Variants in DMBT1 observed in about 807,000 individuals in gnomAD.
DMBT1 encodes the protein scavenger receptor cysteine-rich domain-containing protein DMBT1.
Under a neutral mutation model 252.9 loss-of-function variants are expected in DMBT1, and 198 were observed. The ratio of observed to expected loss-of-function variants is 0.78; its 90% CI spans 0.70 to 0.88. The LOEUF (loss-of-function observed/expected upper bound fraction) is 0.88, where lower values mean the gene tolerates loss of function less well. Among genes scored for constraint, DMBT1 ranks in the 40% least tolerant of loss-of-function variants. The probability of loss-of-function intolerance (pLI) is 0.00; values close to 1 mark genes in which losing one functional copy is unlikely to be tolerated. For synonymous variants in DMBT1, 990 were observed against 942.7 expected (o/e 1.05, Z -0.92); for missense variants, 2,432 against 2,404.7 (o/e 1.01, Z -0.24).
At chr10:122,625,993 A>G (rs768970448) in intron 46 of DMBT1, 28 bp downstream of exon 46, 189 of 1,587,246 alleles carry the variant, frequency 1.2e-4, no homozygotes, top group Non-Finnish European at 1.6e-4. Context: ...TACCTGAACC[A>G]TAGGTCATAC....
At chr10:122,617,129 A>G (rs1591447025) in intron 39 of DMBT1, 99 bp from the exon 40 acceptor site, 3 of 1,340,662 alleles carry the variant, frequency 2.2e-6, no homozygotes, top group Non-Finnish European at 3.2e-6. Flanking sequence ...CAGGAAGTGG[A>G]ATTGTTGCCA....
At chr10:122,580,623 C>G (rs967524516) in intron 10 of DMBT1, among the ~76,000 whole-genome samples, 3 of 152,088 alleles carry the variant, frequency 2.0e-5, no homozygotes, top group African/African-American at 7.2e-5. Context: ...TGGTTTAGGT[C>G]AACCGGGTTA....
intron 6 of DMBT1, among the ~76,000 whole-genome samples, chr10:122,576,085 G>C (rs1237768099): frequency 1.3e-5 from 2 of 152,202 alleles, no homozygotes; most frequent in Non-Finnish European, 2.9e-5. Flanking sequence ...TGTGTCCCCT[G>C]TCTGAGGGAA....
intron 27 of DMBT1, 29 bp downstream of exon 27, chr10:122,600,122 G>A (rs772302566): frequency 1.4e-5 from 22 of 1,602,890 alleles, no homozygotes; most frequent in East Asian, 1.4e-4. Flanking sequence ...TCCTCAAAAT[G>A]TCCCTTCTCT....
intron 54 of DMBT1, 67 bp downstream of exon 54, chr10:122,637,379 T>C: frequency 1.4e-6 from 2 of 1,410,238 alleles, no homozygotes; most frequent in Non-Finnish European, 1.9e-6. Context: ...TGTCCTGTGC[T>C]TCTTGAATTC....
In DMBT1 at chr10:122,643,182, C is replaced by A; in HGVS notation, c.7413C>A (p.Phe2471Leu). The change falls in exon 56 of 56, where the codon TTC (phenylalanine) becomes TTA (leucine). Residue 2471 changes from phenylalanine to leucine, a missense_variant. Phe to Leu is a conservative substitution (Grantham distance 22). This residue lies in a region of DMBT1 where 1,162 missense variants were observed against 1,169.0 expected (regional missense o/e 0.99). Transcript: ENST00000338354. The part of the protein sequence containing the change: ...YSSPSLRIAR[F>L]RFRAFHFLNR... Reference sequence around the variant, plus strand: ...CGCCATCTCTTCGCATTGCCCGCTTCCGGTTCAGGGCCTTCCACTTCCTGA... The same window carrying A: ...CGCCATCTCTTCGCATTGCCCGCTTACGGTTCAGGGCCTTCCACTTCCTGA... 1.4e-5 allele frequency: 22 copies of A among 1,613,972 alleles called. No homozygotes were observed. The highest frequency in any genetic ancestry group is 1.8e-5 in the Non-Finnish European group (21 of 1,179,880).
intron 24 of DMBT1, among the ~76,000 whole-genome samples, chr10:122,597,352 A>T (rs929166114): frequency 1.3e-5 from 2 of 152,308 alleles, no homozygotes; most frequent in South Asian, 4.2e-4. Flanking sequence ...GCACTTTTCT[A>T]TTCAGAGCTG....
intron 41 of DMBT1, 40 bp from the exon 42 acceptor site, chr10:122,619,268 A>G (rs1244809001): frequency 1.9e-6 from 3 of 1,613,526 alleles, no homozygotes; most frequent in African/African-American, 2.7e-5. Flanking sequence ...CATTTTCTGT[A>G]TAGTGCATCT....
At chr10:122,616,758 A>G (rs572706617) in intron 39 of DMBT1, among the ~76,000 whole-genome samples, 259 of 7,578 alleles carry the variant, frequency 0.034, 9 homozygotes, top group South Asian at 0.1. Context: ...ATTATGATGG[A>G]CCACATTTGT....
In DMBT1 at chr10:122,635,999, G is replaced by A; in HGVS notation, c.6557G>A (p.Gly2186Asp). The A allele has an allele frequency of 1.9e-6, 3 of 1,613,956 alleles. No homozygotes were observed. The highest frequency in any genetic ancestry group is 2.5e-6 in the Non-Finnish European group (3 of 1,179,894). Residue 2186 changes from glycine (G) to aspartate (D), a missense_variant, in exon 53 of 56, where the codon GGT (glycine) becomes GAT (aspartate). By Grantham distance (94) the Gly-to-Asp change is moderately conservative (BLOSUM62 -1). This residue lies in a region of DMBT1 where 1,162 missense variants were observed against 1,169.0 expected (regional missense o/e 0.99). Transcript: ENST00000338354. ...GTGTCCTCTCTCTGCAGGCTTGAAG[G>A]TGGCTGCAACTATGATTATATTGAA... ...TVIFRDVQLE[G>D]GCNYDYIEVF...
chr10:122,597,133 C>T (rs912658384), intron 24 of DMBT1, 79 bp downstream of exon 24: 5 of 285,684 alleles, frequency 1.8e-5, no homozygotes, highest in East Asian at 5.7e-5. Context: ...ACAGAGCCCT[C>T]GTTCTTCTCT....
In DMBT1 at chr10:122,576,491, G is replaced by A. The variant is rs746010056; in HGVS notation, c.376G>A (p.Val126Met). ...CCTATACCGAGGCTCCTGGGGCACC[G>A]TGTGTGATGACAGCTGGGACACCAA... Reference protein sequence around the residue: ...EILYRGSWGTVCDDSWDTNDA... With the variant: ...EILYRGSWGTMCDDSWDTNDA... Residue 126 changes from valine to methionine, a missense_variant, in exon 7 of 56, where the codon GTG becomes ATG. Val to Met is a conservative substitution (Grantham distance 21). Around this residue, in one of 3 missense-constraint regions of DMBT1, gnomAD observed 1,264 missense variants for 1,082.2 expected, o/e 1.17. Transcript: ENST00000338354. 2.4e-5 allele frequency: 39 copies of A among 1,613,848 alleles called. No homozygotes were observed. Among genetic ancestry groups the A allele is most frequent in the South Asian group, 1.9e-4 (17 of 91,074 alleles).
chr10:122,621,889 A>G (rs2098073352), intron 44 of DMBT1, among the ~76,000 whole-genome samples: 1 of 152,174 alleles, frequency 6.6e-6, no homozygotes, highest in South Asian at 2.1e-4. Context: ...GGTCTTGGTC[A>G]GTTTCAGCTC....
chr10:122,617,175 T>A (rs3019533), intron 39 of DMBT1, 53 bp from the exon 40 acceptor site: 3 of 1,571,664 alleles, frequency 1.9e-6, no homozygotes, highest in Non-Finnish European at 1.7e-6. Context: ...TTTTGTTCTG[T>A]GCCTTTTCCC....
chr10:122,569,017 G>A (rs749578758), intron 2 of DMBT1, among the ~76,000 whole-genome samples: 13 of 152,218 alleles, frequency 8.5e-5, no homozygotes, highest in Non-Finnish European at 1.9e-4. Flanking sequence ...CTGCTTTGCA[G>A]TAAGTCATGT....
chr10:122,634,474 C>CTCTCTCTCTT (rs2098208486), intron 52 of DMBT1, among the ~76,000 whole-genome samples: 2 of 68,140 alleles, frequency 2.9e-5, no homozygotes, highest in Non-Finnish European at 5.0e-5. Flanking sequence ...CTCTCTCTCT[C>CTCTCTCTCTT]TCTCTCTTTC....
chr10:122,636,836 A>T (rs1476389835), intron 53 of DMBT1, among the ~76,000 whole-genome samples: 1 of 152,216 alleles, frequency 6.6e-6, no homozygotes, highest in South Asian at 2.1e-4. Flanking sequence ...TACTTTATAG[A>T]TAAATGGTAA....
At chr10:122,591,427 G>A in intron 18 of DMBT1, 52 bp from the exon 19 acceptor site, 2 of 1,542,138 alleles carry the variant, frequency 1.3e-6, no homozygotes, top group Admixed American at 3.4e-5. Context: ...TCCTTTTGGA[G>A]CTTTTCTCCC....
rs761768803 is a variant in DMBT1, at chr10:122,589,214, G to T, written c.2054G>T (p.Gly685Val). The change falls in exon 17 of 56, where the codon GGC (glycine) becomes GTC (valine). Residue 685 changes from glycine to valine, a missense_variant. Around this residue, in one of 3 missense-constraint regions of DMBT1, gnomAD observed 1,264 missense variants for 1,082.2 expected, o/e 1.17. Coordinates refer to ENST00000338354, the MANE Select transcript of DMBT1 (RefSeq NM_001377530.1). ...TACCTGTGGAGCTGCCCCAACAATG[G>T]CTGGCTCTCCCACAACTGTGGCCAT... ...ESYLWSCPNN[G>V]WLSHNCGHHE... is the part of the protein sequence containing the mutation. The T allele has an allele frequency of 6.3e-7, 1 of 1,588,496 alleles. No homozygotes were observed. Among genetic ancestry groups the T allele is most frequent in the Non-Finnish European group, 8.6e-7 (1 of 1,165,746 alleles).
Sources: allele counts gnomAD v4.1 joint callset (sites outside exome capture counted in the v4.1 genomes callset), GRCh38; gene constraint gnomAD v4.1.1; regional missense constraint gnomAD v4.1.1; transcripts MANE v1.5; gene names NCBI Gene and HGNC (gene_info 2026-07-23, HGNC 2026-07-21).